The following JAKMIP2 variants were observed in gnomAD, a reference collection of about 807,000 sequenced individuals.
The protein encoded by JAKMIP2 is janus kinase and microtubule-interacting protein 2.
Under a neutral mutation model 115.0 loss-of-function variants are expected in JAKMIP2, and 25 were observed. The observed-to-expected ratio is 0.22, with a 90% CI of 0.16 to 0.30. The LOEUF is 0.30. Among genes scored for constraint, JAKMIP2 ranks in the 10% least tolerant of loss-of-function variants. The pLI is 1.00. For missense variants in JAKMIP2, 642 were observed against 957.6 expected (o/e 0.67, Z 4.35); for synonymous variants, 334 against 343.6 (o/e 0.97, Z 0.31).
At chr5:147,741,507 A>G (rs911059275) in intron 1 of JAKMIP2, among the ~76,000 whole-genome samples, 6 of 152,140 alleles carry the variant, frequency 3.9e-5, no homozygotes, top group African/African-American at 1.4e-4. Flanking sequence ...CCTAGAAGCA[A>G]GAAATTTTGC....
intron 1 of JAKMIP2, among the ~76,000 whole-genome samples, chr5:147,767,187 C>A (rs144593074): frequency 6.6e-6 from 1 of 152,032 alleles, no homozygotes; most frequent in Non-Finnish European, 1.5e-5. Context: ...TGTGTGCACA[C>A]GCGTGCACGC....
intron 1 of JAKMIP2, among the ~76,000 whole-genome samples, chr5:147,727,527 A>T (rs1753566787): frequency 6.6e-6 from 1 of 152,164 alleles, no homozygotes; most frequent in Non-Finnish European, 1.5e-5. Context: ...GAACTGCCAA[A>T]CACTTTTAAA....
chr5:147,766,742 T>A (rs1476926669), intron 1 of JAKMIP2, among the ~76,000 whole-genome samples: 1 of 152,170 alleles, frequency 6.6e-6, no homozygotes, highest in Non-Finnish European at 1.5e-5. Flanking sequence ...TAAGGAGAGC[T>A]ATATTCATAC....
chr5:147,719,529 C>G (rs1257516718), intron 1 of JAKMIP2, among the ~76,000 whole-genome samples: 1 of 151,942 alleles, frequency 6.6e-6, no homozygotes, highest in Non-Finnish European at 1.5e-5. Flanking sequence ...AATCTTGGTG[C>G]TCCTGTGTTG....
At chr5:147,595,405 C>G (rs182282627) in intron 21 of JAKMIP2, 537 of 456,472 alleles carry the variant, frequency 1.2e-3, no homozygotes, top group African/African-American at 6.2e-3. Flanking sequence ...CCCCTCTGTT[C>G]CTTCTGTCCT....
intron 1 of JAKMIP2, among the ~76,000 whole-genome samples, chr5:147,673,766 A>C (rs906893919): frequency 1.1e-4 from 16 of 152,164 alleles, no homozygotes; most frequent in Admixed American, 8.5e-4. Flanking sequence ...CAATAGGCAA[A>C]AGGATAAATA....
chr5:147,762,423 G>A (rs1561580983), intron 1 of JAKMIP2, among the ~76,000 whole-genome samples: 1 of 152,176 alleles, frequency 6.6e-6, no homozygotes. Flanking sequence ...TGGCTTAAGC[G>A]ACATAAATTT....
chr5:147,726,810 G>A (rs1202081985), intron 1 of JAKMIP2, among the ~76,000 whole-genome samples: 1 of 152,060 alleles, frequency 6.6e-6, no homozygotes, highest in African/African-American at 2.4e-5. Context: ...GTGACCATAT[G>A]GCAGTACTTT....
intron 19 of JAKMIP2, among the ~76,000 whole-genome samples, chr5:147,612,993 T>A (rs1441752889): frequency 6.6e-6 from 1 of 152,090 alleles, no homozygotes; most frequent in Non-Finnish European, 1.5e-5. Flanking sequence ...AGATTACACA[T>A]CAACAAACAT....
chr5:147,599,166 A>T (rs1755560897), intron 21 of JAKMIP2, among the ~76,000 whole-genome samples: 1 of 152,186 alleles, frequency 6.6e-6, no homozygotes, highest in Non-Finnish European at 1.5e-5. Flanking sequence ...GTGGTAGCTA[A>T]TTTTTAAATC....
At chr5:147,671,567 G>GC in intron 2 of JAKMIP2, 111 bp downstream of exon 2, 1 of 913,006 alleles carries the variant, frequency 1.1e-6, no homozygotes, top group South Asian at 4.9e-5. Context: ...GCCCTCTCTG[G>GC]CAAAGGGCAG....
At chr5:147,718,880 C>T (rs1263127106) in intron 1 of JAKMIP2, among the ~76,000 whole-genome samples, 13 of 145,252 alleles carry the variant, frequency 8.9e-5, no homozygotes, top group Non-Finnish European at 1.7e-4. Context: ...TATTTCTTGC[C>T]TTCTGCTAGC....
chr5:147,716,086 T>C (rs9764732), intron 1 of JAKMIP2, among the ~76,000 whole-genome samples: 22,674 of 144,084 alleles, frequency 0.16, 1,924 homozygotes, highest in South Asian at 0.22. Context: ...TGAGTGAGAA[T>C]ATGCAGTGTT....
intron 6 of JAKMIP2, 34 bp from the exon 7 acceptor site, chr5:147,644,232 C>G: frequency 2.0e-6 from 3 of 1,477,620 alleles, no homozygotes; most frequent in Non-Finnish European, 2.7e-6. Context: ...CAGGTGGAGA[C>G]TTTAAAAACC....
At chr5:147,696,757 T>C (rs1239152022) in intron 1 of JAKMIP2, among the ~76,000 whole-genome samples, 14 of 152,172 alleles carry the variant, frequency 9.2e-5, no homozygotes, top group Non-Finnish European at 2.1e-4. Context: ...AAAATGCTGA[T>C]AGTGATGTGG....
chr5:147,773,675 A>T (rs1237075570), intron 1 of JAKMIP2, among the ~76,000 whole-genome samples: 2 of 152,144 alleles, frequency 1.3e-5, no homozygotes, highest in East Asian at 3.9e-4. Flanking sequence ...CCCATGTAAG[A>T]GTGTTAGTAT....
At chr5:147,747,342 A>C (rs181412443) in intron 1 of JAKMIP2, among the ~76,000 whole-genome samples, 75 of 152,304 alleles carry the variant, frequency 4.9e-4, no homozygotes, top group African/African-American at 1.8e-3. Context: ...CGTCACTTCT[A>C]CCTAGCCAGC....
intron 1 of JAKMIP2, among the ~76,000 whole-genome samples, chr5:147,781,012 C>T (rs776051360): frequency 2.6e-5 from 4 of 152,154 alleles, no homozygotes; most frequent in Non-Finnish European, 4.4e-5. Context: ...CCTCATCTCA[C>T]GCATCTTTAG....
In JAKMIP2 at chr5:147,661,175, T is replaced by C. The variant is rs765855494; in HGVS notation, c.400A>G (p.Thr134Ala). The C allele has an allele frequency of 6.2e-7, 1 of 1,614,066 alleles. No individual in the cohort carries two copies. Among genetic ancestry groups the C allele is most frequent in the South Asian group, 1.1e-5 (1 of 91,076 alleles). Residue 134 changes from threonine to alanine, a missense_variant, in exon 3 of 22, where the codon ACC (threonine) becomes GCC (alanine). Thr to Ala is a moderately conservative substitution (Grantham distance 58, BLOSUM62 0). Coordinates refer to ENST00000616793, the MANE Select transcript of JAKMIP2 (RefSeq NM_001270941.2). ...GSSDKVRTAL[T>A]IEAREEARKL... ...CGGGCCTCCTCCCGGGCCTCAATGG[T>C]GAGCGCTGTCCTTACTTTGTCACTG...
Sources: allele counts gnomAD v4.1 joint callset (sites outside exome capture counted in the v4.1 genomes callset), GRCh38; gene constraint gnomAD v4.1.1; transcripts MANE v1.5; gene names NCBI Gene and HGNC (gene_info 2026-07-23, HGNC 2026-07-21).